CERS3: variants seen among roughly 807,000 people sequenced by gnomAD.
CERS3 encodes ceramide synthase 3, also known as LAG1 homolog, ceramide synthase 3.
A neutral mutation model predicts 50.3 loss-of-function variants in CERS3; 33 were observed. The ratio of observed to expected loss-of-function variants is 0.66; its 90% CI spans 0.50 to 0.88. The LOEUF (loss-of-function observed/expected upper bound fraction) is 0.88. CERS3 is among the 40% of genes least tolerant of loss of function. The probability of loss-of-function intolerance (pLI) is 0.00; values close to 1 mark genes in which losing one functional copy is unlikely to be tolerated. For synonymous variants in CERS3, 176 were observed against 155.2 expected (o/e 1.13, Z -0.99); for missense variants, 470 against 460.3 (o/e 1.02, Z -0.19).
At chr15:100,513,250 G>A (rs11634711) in intron 2 of CERS3, among the ~76,000 whole-genome samples, 49,144 of 151,862 alleles carry the variant, frequency 0.32, 8,089 homozygotes, top group East Asian at 0.37. Flanking sequence ...TGCTCCAGGC[G>A]GCTACTGCTG....
intron 1 of CERS3, among the ~76,000 whole-genome samples, chr15:100,535,029 C>G (rs925690079): frequency 2.0e-5 from 3 of 152,124 alleles, no homozygotes; most frequent in African/African-American, 7.2e-5. Flanking sequence ...TGTCTCATGT[C>G]TCCCTAAATT....
chr15:100,477,938 C>T (rs1169445707), intron 7 of CERS3, among the ~76,000 whole-genome samples: 4 of 152,212 alleles, frequency 2.6e-5, no homozygotes, highest in Non-Finnish European at 4.4e-5. Flanking sequence ...CCTATTCTAA[C>T]ACCTAACAGA....
chr15:100,457,313 A>T (rs1307295280), intron 10 of CERS3, among the ~76,000 whole-genome samples: 2 of 152,222 alleles, frequency 1.3e-5, no homozygotes, highest in African/African-American at 4.8e-5. Flanking sequence ...CTTGCCAAAA[A>T]AATTCTGTGA....
intron 1 of CERS3, among the ~76,000 whole-genome samples, chr15:100,524,037 G>A (rs1412823106): frequency 6.6e-6 from 1 of 152,094 alleles, no homozygotes; most frequent in African/African-American, 2.4e-5. Flanking sequence ...ATAAATCAAA[G>A]GTCCAAATTT....
chr15:100,435,974 A>G (rs1431099764), intron 11 of CERS3, among the ~76,000 whole-genome samples: 1 of 152,222 alleles, frequency 6.6e-6, no homozygotes, highest in Non-Finnish European at 1.5e-5. Context: ...TTAGGAAACA[A>G]CAGATGCTGG....
chr15:100,533,680 C>T (rs1248316017), upstream of CERS3, among the ~76,000 whole-genome samples: 2 of 151,708 alleles, frequency 1.3e-5, no homozygotes, highest in Non-Finnish European at 2.9e-5. Flanking sequence ...GCCTCAGCCC[C>T]CCAAGTAGCT....
Position 100,410,563 on chromosome 15 carries a change from A to G in CERS3, c.1000-7698T>C, listed in dbSNP as rs2031403801. On this transcript the variant is annotated intron_variant, in intron 11 of 11. Transcript: ENST00000679737. ...CAGAGGCATAGAGACGAACTGCCTC[A>G]CATTCCAAGACTCACTCATTCAGAG... Among the ~76,000 whole-genome samples the G allele has an allele frequency of 2.6e-5, 4 of 152,224 alleles. 1 individual carries two copies. The highest frequency in any genetic ancestry group is 2.6e-4 in the Admixed American group (4 of 15,288).
chr15:100,435,803 A>C (rs1461558182), intron 11 of CERS3, among the ~76,000 whole-genome samples: 1 of 152,246 alleles, frequency 6.6e-6, no homozygotes, highest in Non-Finnish European at 1.5e-5. Context: ...CCCATCAAAA[A>C]GTGGGTCAAG....
At chr15:100,433,519 C>G (rs755975963) in intron 11 of CERS3, among the ~76,000 whole-genome samples, 1 of 152,316 alleles carries the variant, frequency 6.6e-6, no homozygotes, top group East Asian at 1.9e-4. Context: ...ATACAGAGGC[C>G]CAGCCTCCTT....
intron 2 of CERS3, among the ~76,000 whole-genome samples, chr15:100,516,675 C>A (rs1412021079): frequency 6.6e-6 from 1 of 152,194 alleles, no homozygotes; most frequent in Non-Finnish European, 1.5e-5. Flanking sequence ...TAGCCTCCTC[C>A]CCCATTGTGT....
At chr15:100,533,416 TGCC>T (rs2142418126), upstream of CERS3, among the ~76,000 whole-genome samples, 1 of 152,302 alleles carries the variant, frequency 6.6e-6, no homozygotes, top group Non-Finnish European at 1.5e-5. Flanking sequence ...TCTATATATT[TGCC>T]ATTGTGTCTC....
intron 3 of CERS3, among the ~76,000 whole-genome samples, chr15:100,491,151 A>G (rs2035639283): frequency 6.6e-6 from 1 of 152,176 alleles, no homozygotes; most frequent in African/African-American, 2.4e-5. Flanking sequence ...CAATTCTAAA[A>G]TGCATTTTAT....
intron 10 of CERS3, 104 bp from the exon 11 acceptor site, chr15:100,456,150 T>C: frequency 1.3e-6 from 1 of 744,426 alleles, no homozygotes; most frequent in Non-Finnish European, 1.9e-6. Flanking sequence ...ATGTATTTCG[T>C]TTCTAATAAA....
intron 11 of CERS3, among the ~76,000 whole-genome samples, chr15:100,412,945 C>T (rs1410061671): frequency 6.6e-6 from 1 of 152,084 alleles, no homozygotes; most frequent in Admixed American, 6.5e-5. Context: ...TCAGTCCCAC[C>T]CTGTAGAGTG....
intron 2 of CERS3, among the ~76,000 whole-genome samples, chr15:100,510,706 C>T (rs1317401392): frequency 3.9e-5 from 6 of 152,168 alleles, no homozygotes; most frequent in Non-Finnish European, 8.8e-5. Context: ...AGCTGCATGT[C>T]CTGGTTTCTC....
At chr15:100,477,150 T>C (rs1364414998) in intron 7 of CERS3, among the ~76,000 whole-genome samples, 2 of 152,128 alleles carry the variant, frequency 1.3e-5, no homozygotes, top group South Asian at 4.1e-4. Flanking sequence ...AAATAAATGG[T>C]TGTTGTTTGA....
At chr15:100,543,282 G>A (rs1337669749) in intron 1 of CERS3, among the ~76,000 whole-genome samples, 4 of 152,142 alleles carry the variant, frequency 2.6e-5, no homozygotes, top group Admixed American at 2.6e-4. Flanking sequence ...TTCTCTGTTG[G>A]TTAATGCATG....
chr15:100,414,934 T>C (rs1454586732), intron 11 of CERS3, among the ~76,000 whole-genome samples: 1 of 150,586 alleles, frequency 6.6e-6, no homozygotes, highest in Admixed American at 6.6e-5. Flanking sequence ...AATTGACAAA[T>C]GGGATCTAAT....
intron 3 of CERS3, chr15:100,500,114 T>C (rs2035953261): frequency 6.6e-6 from 1 of 152,198 alleles, no homozygotes. Context: ...GAAAAAAACA[T>C]AAACTTATAC....
Sources: gnomAD v4.1 joint callset for allele counts (sites outside exome capture counted in the v4.1 genomes callset) on GRCh38, gnomAD v4.1.1 for gene constraint, MANE v1.5 for transcripts, NCBI Gene and HGNC (gene_info 2026-07-23, HGNC 2026-07-21) for gene names.